WDR75: variants seen among roughly 807,000 people sequenced by gnomAD.
WDR75 encodes the protein WD repeat domain 75, also known as WD repeat-containing protein 75.
In WDR75, 52 loss-of-function variants were observed where a neutral mutation model predicts 106.1. The ratio of observed to expected loss-of-function variants is 0.49; its 90% CI spans 0.39 to 0.62. The LOEUF (loss-of-function observed/expected upper bound fraction) is 0.62, where lower values mean the gene tolerates loss of function less well. WDR75 is among the 20% of genes least tolerant of loss of function. The pLI, the probability that WDR75 is intolerant of heterozygous loss-of-function variation, is 0.00. For synonymous variants in WDR75, 333 were observed against 335.5 expected (o/e 0.99, Z 0.08); for missense variants, 905 against 970.3 (o/e 0.93, Z 0.89).
rs1229660418 is a variant in WDR75 at position 189,467,445 on chromosome 2, C to T, written c.1448-23C>T. On this transcript the variant is annotated intron_variant, in intron 13 of 20. Coordinates refer to ENST00000314761, the MANE Select transcript of WDR75 (RefSeq NM_032168.3). ...CTCTAGCATTTACACAATTTCTGAA[C>T]ATTATGGCTTATATTTCCACAGAAA... 5.7e-6 allele frequency: 9 copies of T among 1,577,442 alleles called. No individual in the cohort carries two copies. In the African/African-American group the frequency reaches 8.1e-5, roughly 14 times the overall value.
intron 11 of WDR75, 142 bp downstream of exon 11, chr2:189,464,103 T>G: frequency 1.4e-6 from 1 of 726,582 alleles, no homozygotes; most frequent in Non-Finnish European, 2.2e-6. Flanking sequence ...GTTACTTAGT[T>G]CAGTTGTTCA....
chr2:189,462,125 T>C (rs1358291760), intron 8 of WDR75, among the ~76,000 whole-genome samples: 1 of 152,030 alleles, frequency 6.6e-6, no homozygotes, highest in African/African-American at 2.4e-5. Flanking sequence ...AATTTTCATC[T>C]GTCGTGAAAT....
At chr2:189,467,132 C>T (rs531061653) in intron 13 of WDR75, among the ~76,000 whole-genome samples, 5 of 151,994 alleles carry the variant, frequency 3.3e-5, no homozygotes, top group Admixed American at 6.6e-5. Context: ...CAGATAGTAC[C>T]GAACCCTGTA....
rs768015896 is a variant in WDR75 at position 189,441,675 on chromosome 2, C to T, written c.86+97C>T. 91 of 1,387,742 alleles carry T rather than the reference C, an allele frequency of 6.6e-5. 1 individual carries two copies. Among genetic ancestry groups the T allele is most frequent in the Middle Eastern group, 1.8e-4 (1 of 5,652 alleles). The allele number at this position is 1,387,742 out of a possible 1,614,324, so 86.0% of individuals were successfully genotyped here. A position where few individuals can be genotyped will look rare whatever the true frequency, so the allele number is the denominator to read the frequency against. Reference sequence around the variant, plus strand: ...TGTCAGTCGCGTTCGGACTCGCCCGCCTGGCGGATATCGGCTTTGGGTAGA... The same window carrying T: ...TGTCAGTCGCGTTCGGACTCGCCCGTCTGGCGGATATCGGCTTTGGGTAGA... On this transcript the variant is annotated intron_variant, in intron 1 of 20. Coordinates refer to ENST00000314761, the MANE Select transcript of WDR75 (RefSeq NM_032168.3).
rs561331903 is a variant in WDR75, at chr2:189,447,645, C to T, written c.87-734C>T. ...TTTGCAGGATAATTCCATTTATAGC[C>T]TCTGTCTACAAACAGTCAAGAGATA... On this transcript the variant is annotated intron_variant, in intron 1 of 20. Coordinates refer to ENST00000314761, the MANE Select transcript of WDR75 (RefSeq NM_032168.3). 5.3e-5 allele frequency among the ~76,000 whole-genome samples: 8 copies of T among 152,302 alleles called. No homozygotes were observed. In the South Asian group the frequency reaches 6.2e-4, roughly 12 times the overall value.
intron 3 of WDR75, 68 bp downstream of exon 3, chr2:189,451,036 T>A (rs1686612162): frequency 6.5e-7 from 1 of 1,527,470 alleles, no homozygotes; most frequent in Admixed American, 2.3e-5. Flanking sequence ...ATGGTAGATG[T>A]ACTGTTTCTA....
At chr2:189,466,236 G>A (rs1217153072) in intron 12 of WDR75, among the ~76,000 whole-genome samples, 189 bp from the exon 13 acceptor site, 1 of 152,132 alleles carries the variant, frequency 6.6e-6, no homozygotes, top group Non-Finnish European at 1.5e-5. Context: ...CAAGGGCAAA[G>A]GTGATATATT....
rs762818546 is a variant in WDR75 at position 189,455,461 on chromosome 2, T to A, written c.498+17T>A. 10 of 1,600,644 alleles carry A rather than the reference T, an allele frequency of 6.2e-6. No individual in the cohort carries two copies. The South Asian group carries it at 1.1e-4, about 18-fold the overall frequency. On this transcript the variant is annotated intron_variant, in intron 5 of 20. Coordinates refer to ENST00000314761, the MANE Select transcript of WDR75 (RefSeq NM_032168.3). ...GGAAACGAGGTAAATTTTGTTTTGT[T>A]CGTTTTCTGTTTTGTACCTAAAATT...
chr2:189,448,259 G>GT, intron 1 of WDR75, 120 bp from the exon 2 acceptor site: 4 of 1,115,418 alleles, frequency 3.6e-6, no homozygotes, highest in Non-Finnish European at 4.8e-6. Flanking sequence ...CCAGGCAGGC[G>GT]TATCACTTGA....
chr2:189,467,077 G>A (rs1036217076), intron 13 of WDR75, among the ~76,000 whole-genome samples: 1 of 152,024 alleles, frequency 6.6e-6, no homozygotes, highest in East Asian at 1.9e-4. Flanking sequence ...TAACAGTGGG[G>A]GATACAATCC....
chr2:189,474,573 G>A, intron 19 of WDR75, 144 bp from the exon 20 acceptor site: 1 of 861,822 alleles, frequency 1.2e-6, no homozygotes, highest in Non-Finnish European at 1.8e-6. Flanking sequence ...ATTTTTCTTT[G>A]GTTTGGCTTT....
chr2:189,475,505 T>C lies in WDR75; in HGVS notation c.*88T>C. The C allele has an allele frequency of 1.2e-6, 1 of 822,824 alleles. No homozygotes were observed. The highest frequency in any genetic ancestry group is 2.5e-5 in the South Asian group (1 of 40,436). 51.0% of individuals were successfully genotyped at this position (822,824 alleles called of 1,614,324 possible). A position where few individuals can be genotyped will look rare whatever the true frequency, so the allele number is the denominator to read the frequency against. On this transcript the variant is annotated 3_prime_UTR_variant, in exon 21 of 21. Transcript: ENST00000314761. ...ACATCTATTTTAATGTTATTTCTGT[T>C]CTAAAAATAAGATAATAAATATTAA...
At chr2:189,455,232 C>G (rs1686708150) in intron 4 of WDR75, 88 bp from the exon 5 acceptor site, 4 of 1,430,988 alleles carry the variant, frequency 2.8e-6, no homozygotes, top group South Asian at 2.7e-5. Context: ...CAGAGCAAGA[C>G]TTTGCCTCAA....
At chr2:189,451,101 A>C in intron 3 of WDR75, 133 bp downstream of exon 3, 1 of 1,183,772 alleles carries the variant, frequency 8.4e-7, no homozygotes, top group Non-Finnish European at 1.1e-6. Flanking sequence ...AACATCAAAA[A>C]AATTAATTTG....
Position 189,468,458 on chromosome 2 carries a change from T to C in WDR75, c.1629-17T>C. Reference sequence around the variant, plus strand: ...CTAGAACTGACTGTTGCTAACTTCCTTGTGGTTTTAATCTAGGCACCTTTG... The same window carrying C: ...CTAGAACTGACTGTTGCTAACTTCCCTGTGGTTTTAATCTAGGCACCTTTG... On this transcript the variant is annotated splice_polypyrimidine_tract_variant and intron_variant, in intron 14 of 20. Transcript: ENST00000314761. The C allele has an allele frequency of 6.2e-7, 1 of 1,612,408 alleles. No homozygotes were observed. Among genetic ancestry groups the C allele is most frequent in the Non-Finnish European group, 8.5e-7 (1 of 1,178,696 alleles).
Position 189,458,739 on chromosome 2 carries a change from T to G in WDR75, c.570-14T>G. On this transcript the variant is annotated splice_polypyrimidine_tract_variant and intron_variant, in intron 6 of 20. Transcript: ENST00000314761. ...CTTTAATAATTAAGGGAATTTGTTT[T>G]TTTTTTCTCCTAGGTTTACTTTATC... 6.5e-7 allele frequency: 1 copy of G among 1,530,304 alleles called. No homozygotes were observed. The highest frequency in any genetic ancestry group is 8.8e-7 in the Non-Finnish European group (1 of 1,138,702). 94.8% of individuals were successfully genotyped at this position (1,530,304 alleles called of 1,614,324 possible).
rs748582376 is a variant in WDR75 at position 189,462,623 on chromosome 2, C to T, written c.918C>T (p.Cys306=). The change falls in exon 9 of 21, where the codon TGC becomes TGT. Residue 306 remains cysteine (C), a synonymous_variant. Coordinates refer to ENST00000314761, the MANE Select transcript of WDR75 (RefSeq NM_032168.3). ...TCTCGCCTGCAGGAGATTTATTCTG[C>T]ACTTCTCACTCTGATAATAGTAAGT... ...ISVSPAGDLF[C]TSHSDNKIII... 1.9e-6 allele frequency: 3 copies of T among 1,613,732 alleles called. No homozygotes were observed. Among genetic ancestry groups the T allele is most frequent in the Admixed American group, 1.7e-5 (1 of 59,970 alleles).
chr2:189,465,443 A>G (rs373256067), intron 12 of WDR75, among the ~76,000 whole-genome samples, 189 bp downstream of exon 12: 1 of 152,134 alleles, frequency 6.6e-6, no homozygotes, highest in Non-Finnish European at 1.5e-5. Context: ...CTAAGTCATA[A>G]TGTCATCTCA....
At chr2:189,464,143 A>G in intron 11 of WDR75, 182 bp downstream of exon 11, 1 of 600,830 alleles carries the variant, frequency 1.7e-6, no homozygotes. Flanking sequence ...CCACAGTTGC[A>G]GGTTACATGT....
Sources: gnomAD v4.1 joint callset for allele counts (sites outside exome capture counted in the v4.1 genomes callset) on GRCh38, gnomAD v4.1.1 for gene constraint, MANE v1.5 for transcripts, NCBI Gene and HGNC (gene_info 2026-07-23, HGNC 2026-07-21) for gene names.